Variants in CELF2 observed in about 807,000 individuals in gnomAD.
CELF2 encodes the protein CUG triplet repeat RNA-binding protein 2.
Under a neutral mutation model 62.6 loss-of-function variants are expected in CELF2, and 8 were observed. The observed-to-expected ratio is 0.13, with a 90% confidence interval of 0.07 to 0.23. CELF2 has a LOEUF of 0.23. Ranked by LOEUF, CELF2 falls within the 10% of genes least tolerant of loss-of-function variation. The pLI is 1.00. For synonymous variants in CELF2, 258 were observed against 250.0 expected, an observed-to-expected ratio of 1.03 and a Z score of -0.30; for missense variants, 333 against 671.0, an observed-to-expected ratio of 0.50 and a Z score of 5.56.
At position 11,255,238 on chromosome 10, in the gene CELF2, A is replaced by C. The variant is rs2078337961; in HGVS notation, c.404-2500A>C. On this transcript the variant is annotated intron_variant, in intron 4 of 12. Transcript: ENST00000633077. The surrounding 1 kb of genome is among the most constrained non-coding windows in gnomAD (Gnocchi z 5.5). Reference sequence around the variant, plus strand: ...GCGTACAGGAGGTCAGGTCCTCAGCAGTCTCCCTCCCAGGAATTGGAGCCC... The same window carrying C: ...GCGTACAGGAGGTCAGGTCCTCAGCCGTCTCCCTCCCAGGAATTGGAGCCC... Among the ~76,000 whole-genome samples the C allele has an allele frequency of 1.3e-5, 2 of 152,226 alleles. No individual in the cohort carries two copies. Among genetic ancestry groups the C allele is most frequent in the Non-Finnish European group, 2.9e-5 (2 of 68,032 alleles).
chr10:11,114,393 A>G (rs1304297274), intron 1 of CELF2, among the ~76,000 whole-genome samples: 1 of 152,244 alleles, frequency 6.6e-6, no homozygotes, highest in Non-Finnish European at 1.5e-5. Flanking sequence ...GTAGCAGTAA[A>G]TACATAACAT....
At chr10:10,961,642 A>G (rs576939624) in intron 2 of CELF2, among the ~76,000 whole-genome samples, 3 of 152,136 alleles carry the variant, frequency 2.0e-5, no homozygotes, top group African/African-American at 7.2e-5. Flanking sequence ...GCTACGCAGG[A>G]GGCTGAGACA....
At chr10:11,250,861 C>T (rs892071864) in intron 4 of CELF2, among the ~76,000 whole-genome samples, 1 of 152,214 alleles carries the variant, frequency 6.6e-6, no homozygotes. Context: ...TGTTTGCACC[C>T]AGAGGTGGTC....
At chr10:11,044,397 A>G (rs1453631453) in intron 1 of CELF2, among the ~76,000 whole-genome samples, 2 of 152,194 alleles carry the variant, frequency 1.3e-5, no homozygotes, top group Non-Finnish European at 2.9e-5. Context: ...CCCTTTTGGC[A>G]TCACTCAGTC....
At chr10:10,468,391 C>T in the CELF2 span, among the ~76,000 whole-genome samples, 2 of 151,980 alleles carry the variant, frequency 1.3e-5, no homozygotes, top group Non-Finnish European at 2.9e-5. Flanking sequence ...TGTACTTTGT[C>T]TTCACGATCA....
rs938017040 is a variant in CELF2, at chr10:11,046,016, G to A, written c.74+27853G>A. On this transcript the variant is annotated intron_variant, in intron 1 of 12. Transcript: ENST00000633077. The surrounding 1 kb of genome is among the most constrained non-coding windows in gnomAD (Gnocchi z 4.6). The stretch of plus-strand genomic sequence containing the variant: ...AAAGAAAGGAAACAAAATTTAAAAT[G>A]CTCAGGGTTTGTTTTTAAAGGCAAC... Among the ~76,000 whole-genome samples, 2 of 152,188 alleles carry A rather than the reference G, an allele frequency of 1.3e-5. No individual in the cohort carries two copies. Among genetic ancestry groups the A allele is most frequent in the African/African-American group, 4.8e-5 (2 of 41,438 alleles).
At chr10:11,063,637 G>A (rs540443742) in intron 1 of CELF2, among the ~76,000 whole-genome samples, 3 of 152,304 alleles carry the variant, frequency 2.0e-5, no homozygotes, top group East Asian at 1.9e-4. Flanking sequence ...TCCTTTTGAA[G>A]TGTTACACAA....
the CELF2 span, among the ~76,000 whole-genome samples, chr10:10,606,681 G>T: frequency 6.6e-6 from 1 of 152,072 alleles, no homozygotes; most frequent in African/African-American, 2.4e-5. Context: ...TATTATATTG[G>T]TCCCTTTATG....
the CELF2 span, among the ~76,000 whole-genome samples, chr10:10,511,702 A>G: frequency 2.6e-5 from 4 of 152,112 alleles, no homozygotes; most frequent in African/African-American, 9.7e-5. Context: ...CTTTCAATCT[A>G]TCTGCATCTC....
upstream of CELF2, among the ~76,000 whole-genome samples, chr10:11,000,864 C>G (rs2054445220): frequency 1.3e-5 from 2 of 152,196 alleles, no homozygotes; most frequent in Non-Finnish European, 2.9e-5. Context: ...GCACCATATT[C>G]CATTAGTCTT....
chr10:10,612,298 T>C, the CELF2 span, among the ~76,000 whole-genome samples: 1 of 152,166 alleles, frequency 6.6e-6, no homozygotes, highest in South Asian at 2.1e-4. Flanking sequence ...CCGGTGAAAT[T>C]ATAAGCTTCA....
the CELF2 span, among the ~76,000 whole-genome samples, chr10:10,786,461 C>T: frequency 4.2e-5 from 6 of 142,982 alleles, no homozygotes; most frequent in African/African-American, 1.6e-4. Context: ...TCTTGCGTCA[C>T]ACCTTGTGAT....
chr10:11,329,154 C>A lies in CELF2; in HGVS notation c.*101C>A. 1 of 1,238,976 alleles carries A rather than the reference C, an allele frequency of 8.1e-7. No individual in the cohort carries two copies. Among genetic ancestry groups the A allele is most frequent in the Non-Finnish European group, 1.1e-6 (1 of 908,326 alleles). The allele number at this position is 1,238,976 out of a possible 1,614,324, so 76.7% of individuals were successfully genotyped here. On this transcript the variant is annotated 3_prime_UTR_variant, in exon 13 of 13. Transcript: ENST00000633077. This position sits in a 1 kb window ranked among gnomAD's most constrained non-coding sequence, Gnocchi z 5.5. ...GGAAGGCAGAGGAGGACCACATTGC[C>A]AACTTTTACCAAGAGAGACGGTTAT...
the CELF2 span, among the ~76,000 whole-genome samples, chr10:10,555,410 T>A: frequency 6.6e-6 from 1 of 152,008 alleles, no homozygotes; most frequent in South Asian, 2.1e-4. Flanking sequence ...ACCGTGTCTG[T>A]ATAATCTACA....
intron 1 of CELF2, among the ~76,000 whole-genome samples, chr10:10,816,087 T>G (rs1336505914): frequency 6.6e-6 from 1 of 152,188 alleles, no homozygotes; most frequent in Non-Finnish European, 1.5e-5. Context: ...GGTCTAAACT[T>G]TAATCTCCAG....
At chr10:10,859,490 C>G (rs1470822464) in intron 1 of CELF2, among the ~76,000 whole-genome samples, 1 of 152,058 alleles carries the variant, frequency 6.6e-6, no homozygotes, top group Non-Finnish European at 1.5e-5. Context: ...ACCCTGTTAA[C>G]TGTTCTGAAA....
chr10:10,622,908 C>T, the CELF2 span, among the ~76,000 whole-genome samples: 5,284 of 151,126 alleles, frequency 0.035, 202 homozygotes, highest in African/African-American at 0.099. Flanking sequence ...TGTGAAACCC[C>T]ATCTCTACTA....
chr10:10,798,863 C>T (rs1302376101), intron 1 of CELF2: 19 of 398,830 alleles, frequency 4.8e-5, no homozygotes, highest in Non-Finnish European at 8.0e-5. Flanking sequence ...GAGTTCATAG[C>T]CAAGGCCCTG....
the CELF2 span, among the ~76,000 whole-genome samples, chr10:10,568,976 C>G: frequency 6.6e-6 from 1 of 152,166 alleles, no homozygotes; most frequent in Admixed American, 6.5e-5. Flanking sequence ...TCCTTCTCCT[C>G]CAACCTGTAG....
Sources: gnomAD v4.1 joint callset for allele counts (sites outside exome capture counted in the v4.1 genomes callset) on GRCh38, gnomAD v4.1.1 for gene constraint, Gnocchi (gnomAD v3.1) non-coding constraint, MANE v1.5 for transcripts, NCBI Gene and HGNC (gene_info 2026-07-23, HGNC 2026-07-21) for gene names.